The following PCDHA1 variants were observed in gnomAD, a reference collection of about 807,000 sequenced individuals.
PCDHA1 encodes protocadherin alpha 1.
PCDHA1 carries 42 observed loss-of-function variants against 61.3 expected under a neutral mutation model. The observed-to-expected ratio is 0.69, with a 90% CI of 0.54 to 0.89. The LOEUF (loss-of-function observed/expected upper bound fraction) is 0.89. Among genes scored for constraint, PCDHA1 ranks in the 40% least tolerant of loss-of-function variants. PCDHA1 has a pLI of 0.00. For synonymous variants in PCDHA1, 610 were observed against 553.8 expected (o/e 1.10, Z -1.43); for missense variants, 1,256 against 1,235.3 (o/e 1.02, Z -0.25).
intron 1 of PCDHA1, chr5:140,967,124 A>G (rs782387198): frequency 1.2e-6 from 2 of 1,612,200 alleles, no homozygotes; most frequent in South Asian, 2.2e-5. Context: ...CTGCCTGCTC[A>G]GCTTGGAAGT....
chr5:140,967,786 G>A, intron 1 of PCDHA1: 1 of 1,614,216 alleles, frequency 6.2e-7, no homozygotes, highest in East Asian at 2.2e-5. Context: ...CGACTGACCG[G>A]GGTCCAGTGC....
At chr5:140,842,910 T>C (rs1778388313) in intron 1 of PCDHA1, 1 of 1,594,510 alleles carries the variant, frequency 6.3e-7, no homozygotes, top group Non-Finnish European at 8.6e-7. Context: ...GAGCTAGAGC[T>C]GCTGCAGTTC....
intron 1 of PCDHA1, chr5:140,877,101 G>T (rs375706181): frequency 6.8e-6 from 11 of 1,613,354 alleles, no homozygotes; most frequent in Non-Finnish European, 9.3e-6. Flanking sequence ...CCGGCGTGCC[G>T]CCTCTGGGCA....
In PCDHA1 at chr5:140,788,259, C is replaced by T. The variant is rs1554118200; in HGVS notation, c.1969C>T (p.Pro657Ser). The change falls in exon 1 of 4, where the codon CCG becomes TCG. Residue 657 changes from proline to serine, a missense_variant. By Grantham distance (74) the Pro-to-Ser change is moderately conservative. Coordinates refer to ENST00000504120, the MANE Select transcript of PCDHA1 (RefSeq NM_018900.4). ...LLVLVKDHGEPALTATATVLV... is the reference protein window; with the variant it reads ...LLVLVKDHGESALTATATVLV... ...GGTGCTAGTGAAGGATCACGGTGAG[C>T]CGGCGCTGACAGCCACGGCCACTGT... The T allele has an allele frequency of 6.2e-6, 10 of 1,613,968 alleles. No individual in the cohort carries two copies. Among genetic ancestry groups the T allele is most frequent in the Non-Finnish European group, 8.5e-6 (10 of 1,179,924 alleles).
intron 1 of PCDHA1, among the ~76,000 whole-genome samples, chr5:140,923,528 C>CA (rs1240707958): frequency 2.0e-5 from 3 of 151,622 alleles, no homozygotes; most frequent in Non-Finnish European, 4.4e-5. Context: ...GATTCTGTCC[C>CA]AAAAAAAGGA....
In PCDHA1 at chr5:140,949,770, T is replaced by C. The variant is rs955982016; in HGVS notation, c.2395-29179T>C. On this transcript the variant is annotated intron_variant, in intron 1 of 3. Coordinates refer to ENST00000504120, the MANE Select transcript of PCDHA1 (RefSeq NM_018900.4). ...TTAGCCCATTCACATTAGTGTAATA[T>C]TTGATATGTTTAGATTTGTGTCCTT... Among the ~76,000 whole-genome samples, 3 of 152,026 alleles carry C rather than the reference T, an allele frequency of 2.0e-5. 1 individual carries two copies. The highest frequency in any genetic ancestry group is 6.8e-3 in the Middle Eastern group (2 of 294).
At chr5:140,807,431 G>T (rs1554124008) in intron 1 of PCDHA1, 3 of 1,599,698 alleles carry the variant, frequency 1.9e-6, no homozygotes, top group Non-Finnish European at 2.6e-6. Context: ...TCTGCAGAAT[G>T]GCATTTTGTT....
At chr5:140,828,749 C>T (rs2150158539) in intron 1 of PCDHA1, 1 of 1,614,192 alleles carries the variant, frequency 6.2e-7, no homozygotes, top group South Asian at 1.1e-5. Flanking sequence ...TGGGGGCAAA[C>T]CTGAGCTCAC....
chr5:141,006,503 G>A (rs1163915409), intron 3 of PCDHA1, among the ~76,000 whole-genome samples: 2 of 152,168 alleles, frequency 1.3e-5, no homozygotes, highest in South Asian at 2.1e-4. Context: ...GTGAGCCACC[G>A]CGCCTGGCTG....
At chr5:140,953,331 A>G (rs2153698892) in intron 1 of PCDHA1, among the ~76,000 whole-genome samples, 1 of 152,248 alleles carries the variant, frequency 6.6e-6, no homozygotes, top group South Asian at 2.1e-4. Flanking sequence ...CATAGAATTT[A>G]GGGCTCACCT....
intron 1 of PCDHA1, among the ~76,000 whole-genome samples, chr5:140,905,476 C>A (rs904790256): frequency 6.6e-6 from 1 of 152,158 alleles, no homozygotes; most frequent in East Asian, 1.9e-4. Flanking sequence ...GTGATGCCTT[C>A]AGATTTCTTC....
chr5:140,980,699 A>G (rs1183109723), intron 2 of PCDHA1, among the ~76,000 whole-genome samples: 1 of 152,186 alleles, frequency 6.6e-6, no homozygotes, highest in African/African-American at 2.4e-5. Flanking sequence ...AAAAAAGCCA[A>G]ATGTGCTCCT....
chr5:140,997,324 T>C (rs1447294871), intron 3 of PCDHA1, among the ~76,000 whole-genome samples: 1 of 152,202 alleles, frequency 6.6e-6, no homozygotes, highest in Non-Finnish European at 1.5e-5. Context: ...TAGGCAGTTT[T>C]TTCGTTGTAC....
intron 1 of PCDHA1, among the ~76,000 whole-genome samples, chr5:140,905,700 A>G (rs926526227): frequency 3.9e-5 from 6 of 152,136 alleles, no homozygotes; most frequent in Non-Finnish European, 5.9e-5. Context: ...TGTGTCATTT[A>G]TGATTTCCTT....
At chr5:140,809,636 A>G in intron 1 of PCDHA1, 2 of 1,502,950 alleles carry the variant, frequency 1.3e-6, no homozygotes, top group Non-Finnish European at 1.8e-6. Flanking sequence ...TTCTTCGTAA[A>G]TTTATTTCTA....
At chr5:140,976,794 A>T (rs1199342082) in intron 1 of PCDHA1, among the ~76,000 whole-genome samples, 1 of 152,230 alleles carries the variant, frequency 6.6e-6, no homozygotes, top group East Asian at 1.9e-4. Context: ...CTACGCTTTT[A>T]TGAATATCTG....
intron 3 of PCDHA1, among the ~76,000 whole-genome samples, chr5:141,005,079 T>TTAGTACTTTACA (rs1375552328): frequency 3.3e-5 from 5 of 152,356 alleles, no homozygotes; most frequent in Non-Finnish European, 7.3e-5. Flanking sequence ...AGGATCAAGC[T>TTAGTACTTTACA]TAGTACTTTA....
intron 1 of PCDHA1, chr5:140,823,873 A>G: frequency 6.2e-7 from 1 of 1,613,808 alleles, no homozygotes; most frequent in Non-Finnish European, 8.5e-7. Flanking sequence ...CGTGTACCTG[A>G]TCATCGCCAT....
chr5:140,842,399 C>G, intron 1 of PCDHA1: 1 of 1,611,446 alleles, frequency 6.2e-7, no homozygotes, highest in Non-Finnish European at 8.5e-7. Flanking sequence ...CTTGCCTGTA[C>G]GTGAAGACGC....
Sources: allele counts gnomAD v4.1 joint callset (sites outside exome capture counted in the v4.1 genomes callset), GRCh38; gene constraint gnomAD v4.1.1; transcripts MANE v1.5; gene names NCBI Gene and HGNC (gene_info 2026-07-23, HGNC 2026-07-21).